The following ROBO1 variants were observed in gnomAD, a reference collection of about 807,000 sequenced individuals.
The protein encoded by ROBO1 is roundabout homolog 1.
In ROBO1, 149 loss-of-function variants were observed where a neutral mutation model predicts 195.9. The observed-to-expected ratio is 0.76, with a 90% CI of 0.67 to 0.87. The LOEUF is 0.87. Among genes scored for constraint, ROBO1 ranks in the 40% least tolerant of loss-of-function variants. The pLI, the probability that ROBO1 is intolerant of heterozygous loss-of-function variation, is 0.00. For missense variants in ROBO1, 1,933 were observed against 2,068.3 expected (o/e 0.93, Z 1.27); for synonymous variants, 816 against 733.2 (o/e 1.11, Z -1.82).
intron 4 of ROBO1, among the ~76,000 whole-genome samples, chr3:78,887,098 G>A (rs1248264196): frequency 6.6e-6 from 1 of 152,086 alleles, no homozygotes; most frequent in Non-Finnish European, 1.5e-5. Flanking sequence ...CAATAATACT[G>A]TTCTTAGTAT....
rs1471044267 is a variant in ROBO1 at position 78,861,293 on chromosome 3, A to G, written c.499+77308T>C. On this transcript the variant is annotated intron_variant, in intron 4 of 30. Coordinates refer to ENST00000464233, the MANE Select transcript of ROBO1 (RefSeq NM_002941.4). Reference sequence around the variant, plus strand: ...CTACATTTACCTTTCTGCACATTCAATTCAACATCCTGAACGTGTTTTATA... The same window carrying G: ...CTACATTTACCTTTCTGCACATTCAGTTCAACATCCTGAACGTGTTTTATA... 3.9e-5 allele frequency among the ~76,000 whole-genome samples: 6 copies of G among 152,242 alleles called. No individual in the cohort carries two copies. In the East Asian group the frequency reaches 7.8e-4, roughly 20 times the overall value.
chr3:79,468,764 C>T (rs930261705), intron 2 of ROBO1, among the ~76,000 whole-genome samples: 1 of 152,012 alleles, frequency 6.6e-6, no homozygotes, highest in Non-Finnish European at 1.5e-5. Flanking sequence ...TTTGTACAGA[C>T]CTTCATTAGA....
chr3:78,821,787 C>T (rs1460868319), intron 4 of ROBO1, among the ~76,000 whole-genome samples: 1 of 152,022 alleles, frequency 6.6e-6, no homozygotes, highest in Non-Finnish European at 1.5e-5. Flanking sequence ...TTTCAACAAA[C>T]TTTTACAGAC....
At chr3:79,474,594 AGGAGGGCC>A (rs1938451161) in intron 2 of ROBO1, among the ~76,000 whole-genome samples, 1 of 152,118 alleles carries the variant, frequency 6.6e-6, no homozygotes, top group South Asian at 2.1e-4. Context: ...TTTGTGCTTT[AGGAGGGCC>A]ACACATAAAT....
At chr3:79,586,734 C>T (rs1281385588) in intron 2 of ROBO1, among the ~76,000 whole-genome samples, 1 of 151,518 alleles carries the variant, frequency 6.6e-6, no homozygotes, top group African/African-American at 2.4e-5. Flanking sequence ...GATCATTTTA[C>T]ATTTGCTTTT....
intron 2 of ROBO1, among the ~76,000 whole-genome samples, chr3:79,399,115 G>C (rs922699039): frequency 6.6e-6 from 1 of 152,062 alleles, no homozygotes; most frequent in African/African-American, 2.4e-5. Flanking sequence ...AGATTCCTTG[G>C]TCCCTTACTA....
At chr3:78,988,551 A>C (rs1171765303) in intron 3 of ROBO1, among the ~76,000 whole-genome samples, 1 of 152,180 alleles carries the variant, frequency 6.6e-6, no homozygotes, top group Non-Finnish European at 1.5e-5. Flanking sequence ...AACTGGGTCC[A>C]AGATAATCAT....
At chr3:79,129,604 T>A (rs1054560620) in intron 2 of ROBO1, among the ~76,000 whole-genome samples, 4 of 152,172 alleles carry the variant, frequency 2.6e-5, no homozygotes, top group Non-Finnish European at 5.9e-5. Flanking sequence ...CATTAAATGT[T>A]TGGGTTTTTA....
chr3:79,233,819 T>C (rs1459485250), intron 2 of ROBO1, among the ~76,000 whole-genome samples: 2 of 152,124 alleles, frequency 1.3e-5, no homozygotes, highest in Admixed American at 1.3e-4. Context: ...AGTATATATG[T>C]TCCCTTTTCT....
intron 2 of ROBO1, among the ~76,000 whole-genome samples, chr3:79,364,268 A>G (rs1001716432): frequency 6.7e-6 from 1 of 149,824 alleles, no homozygotes; most frequent in Non-Finnish European, 1.5e-5. Context: ...ATATACACAC[A>G]CACATATATA....
At chr3:79,441,855 A>C (rs2039065048) in intron 2 of ROBO1, among the ~76,000 whole-genome samples, 1 of 152,138 alleles carries the variant, frequency 6.6e-6, no homozygotes, top group African/African-American at 2.4e-5. Flanking sequence ...TTACTTCAAA[A>C]TTGATAGACC....
chr3:79,592,414 C>G (rs961200855), intron 1 of ROBO1, among the ~76,000 whole-genome samples: 2 of 151,778 alleles, frequency 1.3e-5, no homozygotes, highest in Non-Finnish European at 2.9e-5. Context: ...TAGTAAGTGG[C>G]TAAAAACATA....
chr3:79,623,589 G>A (rs986727412), intron 1 of ROBO1, among the ~76,000 whole-genome samples: 1 of 152,124 alleles, frequency 6.6e-6, no homozygotes, highest in Non-Finnish European at 1.5e-5. Flanking sequence ...TGGAAGAAAG[G>A]ATATCAGAGT....
At chr3:78,787,409 A>G (rs1246703602) in intron 4 of ROBO1, among the ~76,000 whole-genome samples, 2 of 152,194 alleles carry the variant, frequency 1.3e-5, no homozygotes, top group Non-Finnish European at 2.9e-5. Context: ...AGCAAATCAG[A>G]ATTTTTTTTT....
chr3:79,683,513 C>G (rs1191913639), intron 1 of ROBO1, among the ~76,000 whole-genome samples: 1 of 152,052 alleles, frequency 6.6e-6, no homozygotes, highest in Non-Finnish European at 1.5e-5. Flanking sequence ...ATTCACAAAG[C>G]TATGTAACCA....
intron 2 of ROBO1, among the ~76,000 whole-genome samples, chr3:79,303,715 C>G (rs1386865173): frequency 6.6e-6 from 1 of 152,012 alleles, no homozygotes; most frequent in Non-Finnish European, 1.5e-5. Context: ...CATGGATAAA[C>G]CTGGAAGAAT....
intron 2 of ROBO1, among the ~76,000 whole-genome samples, chr3:79,375,847 T>C (rs2109353114): frequency 6.6e-6 from 1 of 152,316 alleles, no homozygotes; most frequent in African/African-American, 2.4e-5. Context: ...CTTAAACCTG[T>C]TCTGGGCAAC....
intron 1 of ROBO1, among the ~76,000 whole-genome samples, chr3:79,661,153 G>A (rs1946316764): frequency 6.6e-6 from 1 of 152,022 alleles, no homozygotes; most frequent in Admixed American, 6.6e-5. Context: ...AATGCTGTCA[G>A]CAGACAGCTT....
chr3:78,894,094 T>C (rs2037087843), intron 4 of ROBO1, among the ~76,000 whole-genome samples: 1 of 152,182 alleles, frequency 6.6e-6, no homozygotes, highest in Admixed American at 6.6e-5. Context: ...GAATTTAGTT[T>C]TTCTTAAAAA....
Sources: allele counts gnomAD v4.1 joint callset (sites outside exome capture counted in the v4.1 genomes callset), GRCh38; gene constraint gnomAD v4.1.1; transcripts MANE v1.5; gene names NCBI Gene and HGNC (gene_info 2026-07-23, HGNC 2026-07-21).